Variants in PPFIA2 observed in about 807,000 individuals in gnomAD.
PPFIA2 encodes liprin-alpha-2.
Under a neutral mutation model 175.5 loss-of-function variants are expected in PPFIA2, and 46 were observed. The observed-to-expected ratio is 0.26, with a 90% CI of 0.21 to 0.34. The LOEUF (loss-of-function observed/expected upper bound fraction) is 0.34, where lower values mean the gene tolerates loss of function less well. Among genes scored for constraint, PPFIA2 ranks in the 10% least tolerant of loss-of-function variants. The pLI, the probability that PPFIA2 is intolerant of heterozygous loss-of-function variation, is 1.00. For synonymous variants in PPFIA2, 568 were observed against 511.4 expected (o/e 1.11, Z -1.49); for missense variants, 1,179 against 1,506.1 (o/e 0.78, Z 3.60).
chr12:81,305,172 A>G (rs1023289723), intron 22 of PPFIA2, among the ~76,000 whole-genome samples: 1 of 152,130 alleles, frequency 6.6e-6, no homozygotes, highest in African/African-American at 2.4e-5. Flanking sequence ...TAATTTTCCC[A>G]TATTTGAAGA....
At chr12:81,520,941 G>A (rs1188272398) in intron 4 of PPFIA2, among the ~76,000 whole-genome samples, 1 of 152,102 alleles carries the variant, frequency 6.6e-6, no homozygotes, top group Admixed American at 6.5e-5. Flanking sequence ...AATCATTATA[G>A]CAGATTTTTT....
In PPFIA2 at chr12:81,611,376, C is replaced by T. The variant is rs150329780; in HGVS notation, c.303+65415G>A. Among the ~76,000 whole-genome samples, 18 of 152,266 alleles carry T rather than the reference C, an allele frequency of 1.2e-4. 1 individual carries two copies. Among genetic ancestry groups the T allele is most frequent in the African/African-American group, 4.3e-4 (18 of 41,564 alleles). ...GGTTTCCTCTCCTGCAAGGGGGGTT[C>T]CTCCCCTGCCTGAGTGCTGGCCGCA... On this transcript the variant is annotated intron_variant, in intron 4 of 32. Coordinates refer to ENST00000549396, the MANE Select transcript of PPFIA2 (RefSeq NM_003625.5).
chr12:81,680,295 A>C (rs181005627), intron 3 of PPFIA2, among the ~76,000 whole-genome samples: 22 of 152,128 alleles, frequency 1.4e-4, no homozygotes, highest in African/African-American at 5.3e-4. Context: ...GTACTTTTAT[A>C]AGTGCTTTGT....
chr12:81,404,233 T>C (rs1410524087), intron 8 of PPFIA2, among the ~76,000 whole-genome samples: 2 of 152,230 alleles, frequency 1.3e-5, no homozygotes, highest in African/African-American at 4.8e-5. Flanking sequence ...TGTTCATGTC[T>C]GAGAAAGGTA....
At chr12:81,594,802 A>T (rs2059066918) in intron 4 of PPFIA2, among the ~76,000 whole-genome samples, 1 of 152,176 alleles carries the variant, frequency 6.6e-6, no homozygotes, top group South Asian at 2.1e-4. Flanking sequence ...AGTCCCAGCT[A>T]CTTGTGGGGC....
At chr12:81,669,237 A>T (rs574602611) in intron 4 of PPFIA2, among the ~76,000 whole-genome samples, 1 of 152,018 alleles carries the variant, frequency 6.6e-6, no homozygotes, top group East Asian at 1.9e-4. Flanking sequence ...TGTCATTTTT[A>T]CTACCACTAC....
chr12:81,591,407 C>T (rs1268945369), intron 4 of PPFIA2, among the ~76,000 whole-genome samples: 1 of 152,190 alleles, frequency 6.6e-6, no homozygotes, highest in Non-Finnish European at 1.5e-5. Flanking sequence ...TTCAAGCCGG[C>T]TGCAGGAATT....
At chr12:81,567,345 G>C (rs565087490) in intron 4 of PPFIA2, among the ~76,000 whole-genome samples, 3 of 152,128 alleles carry the variant, frequency 2.0e-5, no homozygotes, top group Non-Finnish European at 2.9e-5. Context: ...CACTGCGCCC[G>C]GCCAGGAGAG....
At chr12:81,641,032 A>G (rs2064894378) in intron 4 of PPFIA2, among the ~76,000 whole-genome samples, 1 of 152,196 alleles carries the variant, frequency 6.6e-6, no homozygotes, top group East Asian at 1.9e-4. Flanking sequence ...TTATACATGT[A>G]CATAATGTGT....
intron 6 of PPFIA2, among the ~76,000 whole-genome samples, chr12:81,440,752 A>C (rs1167735414): frequency 6.6e-6 from 1 of 151,064 alleles, no homozygotes; most frequent in African/African-American, 2.4e-5. Flanking sequence ...TATTTCTTTG[A>C]TTCTTGCTTT....
chr12:81,717,977 A>C (rs1181147212), intron 3 of PPFIA2, among the ~76,000 whole-genome samples: 1 of 151,582 alleles, frequency 6.6e-6, no homozygotes, highest in Non-Finnish European at 1.5e-5. Context: ...CTCTGAGGCA[A>C]GGGGGCTGGA....
At chr12:81,361,977 CTATCTATGTATCTATCTATG>C (rs2030697986) in intron 15 of PPFIA2, among the ~76,000 whole-genome samples, 1 of 148,286 alleles carries the variant, frequency 6.7e-6, no homozygotes, top group Admixed American at 6.8e-5. Context: ...ACATATAGAT[CTATCTATGTATCTATCTATG>C]TATCTATGTA....
intron 4 of PPFIA2, among the ~76,000 whole-genome samples, chr12:81,461,572 A>T (rs1158883591): frequency 6.6e-6 from 1 of 152,038 alleles, no homozygotes; most frequent in East Asian, 1.9e-4. Context: ...CCCATCAGGG[A>T]TCTCCATCAT....
chr12:81,527,976 G>A (rs879285254), intron 4 of PPFIA2, among the ~76,000 whole-genome samples: 17 of 151,998 alleles, frequency 1.1e-4, no homozygotes, highest in African/African-American at 2.7e-4. Flanking sequence ...TAAGCTACTC[G>A]GTTTATGGTA....
At chr12:81,736,803 G>T (rs978159027) in intron 3 of PPFIA2, among the ~76,000 whole-genome samples, 4 of 151,894 alleles carry the variant, frequency 2.6e-5, no homozygotes, top group Non-Finnish European at 5.9e-5. Flanking sequence ...GGAGTGCAGT[G>T]GTGTGATCAG....
chr12:81,645,222 G>T (rs1295933885), intron 4 of PPFIA2, among the ~76,000 whole-genome samples: 1 of 151,870 alleles, frequency 6.6e-6, no homozygotes, highest in Non-Finnish European at 1.5e-5. Context: ...AGAAGAAAGA[G>T]AAAGAAGGAA....
chr12:81,596,027 G>A (rs2059206363), intron 4 of PPFIA2, among the ~76,000 whole-genome samples: 2 of 152,042 alleles, frequency 1.3e-5, no homozygotes. Flanking sequence ...ATTTTCTCAA[G>A]ATACAGTTTT....
At position 81,384,109 on chromosome 12, in the gene PPFIA2, C is replaced by T; in HGVS notation, c.898G>A (p.Glu300Lys). 1.9e-6 allele frequency: 3 copies of T among 1,613,348 alleles called. No homozygotes were observed. Among genetic ancestry groups the T allele is most frequent in the Non-Finnish European group, 2.5e-6 (3 of 1,179,586 alleles). Residue 300 changes from glutamate (E) to lysine (K), a missense_variant, in exon 9 of 33, where the codon GAG becomes AAG. Physicochemically the swap from Glu to Lys is moderately conservative, Grantham distance 56 (BLOSUM62 1). Coordinates refer to ENST00000549396, the MANE Select transcript of PPFIA2 (RefSeq NM_003625.5). ...GCTGTCTCTGCTTCCTGTTCCACCT[C>T]TCCCACTCGGGAAGAAAGGGCTGCT... ...RLAALSSRVG[E>K]VEQEAETARK...
chr12:81,456,915 T>G (rs2053662622), intron 5 of PPFIA2, among the ~76,000 whole-genome samples: 1 of 152,132 alleles, frequency 6.6e-6, no homozygotes, highest in African/African-American at 2.4e-5. Flanking sequence ...GGAAATTTAT[T>G]AAAACATAAA....
Sources: gnomAD v4.1 joint callset for allele counts (sites outside exome capture counted in the v4.1 genomes callset) on GRCh38, gnomAD v4.1.1 for gene constraint, MANE v1.5 for transcripts, NCBI Gene and HGNC (gene_info 2026-07-23, HGNC 2026-07-21) for gene names.